Variants in PTP4A1 observed in about 807,000 individuals in gnomAD.
The protein encoded by PTP4A1 is protein tyrosine phosphatase 4A1.
A neutral mutation model predicts 20.5 loss-of-function variants in PTP4A1; 9 were observed. The observed-to-expected ratio is 0.44, with a 90% confidence interval of 0.26 to 0.77. PTP4A1 has a LOEUF of 0.77. Ranked by LOEUF, PTP4A1 falls within the 30% of genes least tolerant of loss-of-function variation. PTP4A1 has a pLI of 0.19. For synonymous variants in PTP4A1, 78 were observed against 67.4 expected (o/e 1.16, Z -0.77); for missense variants, 137 against 218.8 (o/e 0.63, Z 2.36).
intron 1 of PTP4A1, among the ~76,000 whole-genome samples, chr6:63,523,287 T>C (rs1165685194): frequency 6.6e-6 from 1 of 152,068 alleles, no homozygotes; most frequent in Non-Finnish European, 1.5e-5. Flanking sequence ...CACAATATGA[T>C]GTCTATAAAT....
intron 3 of PTP4A1, among the ~76,000 whole-genome samples, chr6:63,567,401 C>G (rs1436906435): frequency 1.3e-5 from 2 of 152,210 alleles, no homozygotes; most frequent in Non-Finnish European, 2.9e-5. Context: ...CAATATTACT[C>G]TCCTTGTACA....
intron 2 of PTP4A1, among the ~76,000 whole-genome samples, chr6:63,542,035 G>GTGTA (rs1451133796): frequency 6.6e-6 from 1 of 150,946 alleles, no homozygotes; most frequent in African/African-American, 2.5e-5. Flanking sequence ...GTGTGTGTGT[G>GTGTA]TGTGTGTGTG....
Position 63,578,977 on chromosome 6 carries a change from G to C in PTP4A1, c.278G>C (p.Arg93Pro). Residue 93 changes from arginine (R) to proline (P), a missense_variant, in exon 4 of 6, where the codon CGT (arginine) becomes CCT (proline). Transcript: ENST00000626021. ...DWLSLVKIKF[R>P]EEPGCCIAVH... is the part of the protein sequence containing the mutation. ...TTAAGTCTTGTGAAAATTAAGTTTC[G>C]TGAAGAACCTGGTTGTTGTATTGCT... The C allele has an allele frequency of 6.2e-7, 1 of 1,607,722 alleles. No individual in the cohort carries two copies. Among genetic ancestry groups the C allele is most frequent in the Non-Finnish European group, 8.5e-7 (1 of 1,177,660 alleles).
intron 2 of PTP4A1, among the ~76,000 whole-genome samples, chr6:63,528,896 C>T (rs1032356379): frequency 5.9e-5 from 9 of 152,058 alleles, no homozygotes; most frequent in African/African-American, 1.9e-4. Context: ...CAAGACCAGC[C>T]TGACTAACAT....
intron 2 of PTP4A1, among the ~76,000 whole-genome samples, chr6:63,541,635 A>C (rs140681906): frequency 2.6e-5 from 4 of 152,128 alleles, no homozygotes; most frequent in South Asian, 4.1e-4. Flanking sequence ...GCATTCATCT[A>C]TCACCCCTTG....
chr6:63,560,478 C>T (rs77511506), intron 3 of PTP4A1, among the ~76,000 whole-genome samples: 2 of 150,642 alleles, frequency 1.3e-5, no homozygotes. Context: ...TCTAGACTCA[C>T]TGCAACCTCT....
chr6:63,529,240 A>T (rs936582557), intron 2 of PTP4A1, among the ~76,000 whole-genome samples: 1 of 149,874 alleles, frequency 6.7e-6, no homozygotes, highest in Non-Finnish European at 1.5e-5. Flanking sequence ...CAGAACTTTC[A>T]TATAATTTAG....
rs556588695 is a variant in PTP4A1 at position 63,581,411 on chromosome 6, C to G, written c.*1237C>G. 15 of 152,422 alleles carry G rather than the reference C, an allele frequency of 9.8e-5. No individual in the cohort carries two copies. The highest frequency in any genetic ancestry group is 2.2e-4 in the Non-Finnish European group (15 of 67,980). 9.4% of individuals were successfully genotyped at this position (152,422 alleles called of 1,614,324 possible). On this transcript the variant is annotated 3_prime_UTR_variant, in exon 6 of 6. Transcript: ENST00000626021. ...TTCACCAGCTTGTAAAAACTTAGTG[C>G]GAGAGCTGAAACATCTAAATAAATA...
chr6:63,542,245 G>A (rs1257838220), intron 2 of PTP4A1, among the ~76,000 whole-genome samples: 1 of 152,060 alleles, frequency 6.6e-6, no homozygotes, highest in Non-Finnish European at 1.5e-5. Context: ...GCATAGGAAT[G>A]ACACAATGGA....
At chr6:63,524,193 C>T (rs1740627533) in intron 1 of PTP4A1, among the ~76,000 whole-genome samples, 1 of 152,080 alleles carries the variant, frequency 6.6e-6, no homozygotes, top group African/African-American at 2.4e-5. Context: ...CCCTCTTGTC[C>T]AGGCTGGTCT....
At chr6:63,536,481 C>T (rs1183909131) in intron 2 of PTP4A1, among the ~76,000 whole-genome samples, 1 of 152,086 alleles carries the variant, frequency 6.6e-6, no homozygotes, top group African/African-American at 2.4e-5. Context: ...AATTATATAA[C>T]AAGATTAGAT....
At chr6:63,525,079 T>C (rs1253134189) in intron 1 of PTP4A1, among the ~76,000 whole-genome samples, 1 of 152,240 alleles carries the variant, frequency 6.6e-6, no homozygotes, top group East Asian at 1.9e-4. Context: ...AAAGGGTGTT[T>C]AGAAGATGTC....
Position 63,578,880 on chromosome 6 carries a change from A to C in PTP4A1, c.199-18A>C. The C allele has an allele frequency of 6.6e-7, 1 of 1,510,106 alleles. No individual in the cohort carries two copies. Among genetic ancestry groups the C allele is most frequent in the Non-Finnish European group, 8.9e-7 (1 of 1,125,196 alleles). The allele number at this position is 1,510,106 out of a possible 1,614,324, so 93.5% of individuals were successfully genotyped here. On this transcript the variant is annotated intron_variant, in intron 3 of 5. Coordinates refer to ENST00000626021, the MANE Select transcript of PTP4A1 (RefSeq NM_003463.5). Reference sequence around the variant, plus strand: ...TTATATTAATGATCTAAAATGTTTAAATATTCTTCTGACTTAGGATTGGCC... The same window carrying C: ...TTATATTAATGATCTAAAATGTTTACATATTCTTCTGACTTAGGATTGGCC...
rs540095627 is a variant in PTP4A1 at position 63,544,056 on chromosome 6, A to G, written c.-639-6244A>G. On this transcript the variant is annotated intron_variant, in intron 2 of 3. Transcript: ENST00000639568. The stretch of plus-strand genomic sequence containing the variant: ...TTCTCCGCCCCCAACCCCGTATTTC[A>G]TGTAGAGGAGTTTCCTTTTCTGCCT... 3.3e-5 allele frequency among the ~76,000 whole-genome samples: 5 copies of G among 152,222 alleles called. No individual in the cohort carries two copies. In the South Asian group the frequency reaches 6.2e-4, roughly 19 times the overall value.
intron 3 of PTP4A1, among the ~76,000 whole-genome samples, chr6:63,560,193 C>T (rs993779268): frequency 4.6e-5 from 7 of 151,724 alleles, no homozygotes; most frequent in African/African-American, 1.5e-4. Flanking sequence ...CAAAAATTAG[C>T]GGGATGTGGT....
At position 63,580,205 on chromosome 6, in the gene PTP4A1, A is replaced by G. The variant is rs200202391; in HGVS notation, c.*31A>G. On this transcript the variant is annotated 3_prime_UTR_variant, in exon 6 of 6. Transcript: ENST00000626021. ...GGGTGCCTAATGCTACTGGAAGTGG[A>G]ACTTGAGATAGGGCCTAATTTGTTA... 303 of 1,502,616 alleles carry G rather than the reference A, an allele frequency of 2.0e-4. 1 individual carries two copies. Among genetic ancestry groups the G allele is most frequent in the Middle Eastern group, 8.4e-4 (4 of 4,782 alleles). 93.1% of individuals were successfully genotyped at this position (1,502,616 alleles called of 1,614,324 possible). A position where few individuals can be genotyped will look rare whatever the true frequency, so the allele number is the denominator to read the frequency against.
chr6:63,549,303 A>G (rs1776333948), intron 2 of PTP4A1: 2 of 753,814 alleles, frequency 2.7e-6, no homozygotes, highest in East Asian at 2.5e-5. Context: ...CTTACAGAGG[A>G]TGGCTCTCTG....
Position 63,547,927 on chromosome 6 carries a change from T to G in PTP4A1, c.-639-2373T>G, listed in dbSNP as rs552201615. 2.4e-4 allele frequency among the ~76,000 whole-genome samples: 37 copies of G among 152,340 alleles called. 1 individual carries two copies. The South Asian group carries it at 7.7e-3, about 32-fold the overall frequency. On this transcript the variant is annotated intron_variant, in intron 2 of 3. Coordinates refer to the PTP4A1 transcript ENST00000639568. ...CAAATTTGATTTAAGGCTTTCTTGC[T>G]TAAAACCCTTAAAGTTCCCCATTAT...
exon 3 of PTP4A1, chr6:63,550,450 T>C (rs2149489668): frequency 6.6e-6 from 1 of 152,244 alleles, no homozygotes; most frequent in East Asian, 1.9e-4. Context: ...TGAAGCGTTC[T>C]TCAGACGACT....
Sources: allele counts gnomAD v4.1 joint callset (sites outside exome capture counted in the v4.1 genomes callset), GRCh38; gene constraint gnomAD v4.1.1; transcripts MANE v1.5; gene names NCBI Gene and HGNC (gene_info 2026-07-23, HGNC 2026-07-21).